The following TANC1 variants were observed in gnomAD, a reference collection of about 807,000 sequenced individuals.
The protein encoded by TANC1 is tetratricopeptide repeat, ankyrin repeat and coiled-coil containing 1.
Under a neutral mutation model 149.7 loss-of-function variants are expected in TANC1, and 77 were observed. That is an observed-to-expected ratio of 0.51 (90% CI 0.43 to 0.62). The LOEUF (loss-of-function observed/expected upper bound fraction) is 0.62, where lower values mean the gene tolerates loss of function less well. TANC1 is among the 20% of genes least tolerant of loss of function. TANC1 has a pLI of 0.00. For missense variants in TANC1, 1,985 were observed against 2,321.8 expected (o/e 0.85, Z 2.98); for synonymous variants, 854 against 925.0 (o/e 0.92, Z 1.39).
intron 8 of TANC1, among the ~76,000 whole-genome samples, chr2:159,165,752 G>A (rs569202895): frequency 6.6e-6 from 1 of 152,320 alleles, no homozygotes; most frequent in South Asian, 2.1e-4. Context: ...TTATGATCCA[G>A]GTAAACAAAT....
chr2:159,204,540 T>G (rs2058471545), intron 19 of TANC1, among the ~76,000 whole-genome samples: 1 of 152,174 alleles, frequency 6.6e-6, no homozygotes, highest in Non-Finnish European at 1.5e-5. Flanking sequence ...CTCATGCTGG[T>G]CTCTGGCAGT....
chr2:159,071,073 G>GA (rs1358557460), intron 3 of TANC1, among the ~76,000 whole-genome samples: 1 of 152,156 alleles, frequency 6.6e-6, no homozygotes, highest in Non-Finnish European at 1.5e-5. Context: ...GCTCTCTAGA[G>GA]AAGGCTGGTC....
intron 3 of TANC1, among the ~76,000 whole-genome samples, chr2:159,091,655 T>G (rs918014772): frequency 7.9e-5 from 12 of 152,236 alleles, no homozygotes; most frequent in Non-Finnish European, 5.9e-5. Context: ...GATCTCTGTT[T>G]AGATCCCACT....
intron 5 of TANC1, among the ~76,000 whole-genome samples, chr2:159,140,699 T>TC (rs2051265917): frequency 6.7e-6 from 1 of 149,120 alleles, no homozygotes; most frequent in South Asian, 2.2e-4. Flanking sequence ...TTTTTTTTTT[T>TC]TTTTTTTTGA....
intron 2 of TANC1, among the ~76,000 whole-genome samples, chr2:159,050,071 C>G (rs2041355986): frequency 6.6e-6 from 1 of 152,134 alleles, no homozygotes; most frequent in Admixed American, 6.5e-5. Context: ...ATTTGTTTCT[C>G]TTTCAGAAGA....
intron 7 of TANC1, among the ~76,000 whole-genome samples, chr2:159,152,873 G>A (rs1429640621): frequency 2.6e-5 from 4 of 152,184 alleles, no homozygotes; most frequent in Admixed American, 1.3e-4. Flanking sequence ...GGTATTCTAA[G>A]CAGAGGAAAG....
chr2:158,995,145 GT>G (rs1438567543), intron 1 of TANC1, among the ~76,000 whole-genome samples: 3 of 152,316 alleles, frequency 2.0e-5, no homozygotes, highest in Non-Finnish European at 4.4e-5. Context: ...TCCCCCACCT[GT>G]TACAGTGAGC....
chr2:159,012,617 G>T (rs1574111310), intron 2 of TANC1, among the ~76,000 whole-genome samples: 2 of 152,032 alleles, frequency 1.3e-5, no homozygotes, highest in East Asian at 3.8e-4. Context: ...AATTTCTGTG[G>T]GCAACTGACT....
intron 3 of TANC1, among the ~76,000 whole-genome samples, chr2:159,067,736 G>A (rs1033984120): frequency 2.0e-5 from 3 of 152,078 alleles, no homozygotes; most frequent in African/African-American, 2.4e-5. Context: ...TTTTTCTCAG[G>A]ACCAGGGTCC....
At chr2:159,210,325 G>T (rs1575278513) in intron 19 of TANC1, among the ~76,000 whole-genome samples, 2 of 152,170 alleles carry the variant, frequency 1.3e-5, no homozygotes, top group Non-Finnish European at 2.9e-5. Context: ...GCGATCCTGA[G>T]CCTGGGGAGC....
chr2:158,989,733 G>C (rs577024165), intron 1 of TANC1, among the ~76,000 whole-genome samples: 30 of 151,974 alleles, frequency 2.0e-4, no homozygotes, highest in African/African-American at 7.2e-4. Flanking sequence ...TAATTATGAA[G>C]ATGTCAAGTC....
chr2:158,994,841 A>G (rs1441473362), intron 1 of TANC1, among the ~76,000 whole-genome samples: 1 of 152,226 alleles, frequency 6.6e-6, no homozygotes, highest in Non-Finnish European at 1.5e-5. Flanking sequence ...TGTATGAATT[A>G]TCTCACAAAA....
chr2:159,151,131 G>A lies in TANC1; in HGVS notation c.682+575G>A, dbSNP rs181027027. Among the ~76,000 whole-genome samples, 719 of 152,252 alleles carry A rather than the reference G, an allele frequency of 4.7e-3. 5 individuals are homozygous for A. The highest frequency in any genetic ancestry group is 0.016 in the African/African-American group (663 of 41,530). On this transcript the variant is annotated intron_variant, in intron 7 of 26. Transcript: ENST00000263635. ...GGGTTCCAGTCCGGACTCTTACGCC[G>A]ATTTGCCCGGTGACTTGAGCAACAT...
chr2:159,094,032 C>G (rs2045828509), intron 3 of TANC1, among the ~76,000 whole-genome samples: 1 of 152,158 alleles, frequency 6.6e-6, no homozygotes, highest in South Asian at 2.1e-4. Flanking sequence ...TTTCTCAATG[C>G]TGTTTATTTC....
chr2:159,035,516 A>G (rs550925404), intron 2 of TANC1, among the ~76,000 whole-genome samples: 1 of 152,348 alleles, frequency 6.6e-6, no homozygotes, highest in Admixed American at 6.5e-5. Context: ...AACAACAACA[A>G]AAATCTCAAG....
chr2:159,004,092 T>C, intron 2 of TANC1: 2 of 1,612,038 alleles, frequency 1.2e-6, no homozygotes, highest in Non-Finnish European at 1.7e-6. Context: ...TGCTAATACC[T>C]TTGCAATTAC....
At chr2:159,034,919 G>A (rs1449669929) in intron 2 of TANC1, among the ~76,000 whole-genome samples, 5 of 152,198 alleles carry the variant, frequency 3.3e-5, no homozygotes, top group Non-Finnish European at 7.3e-5. Context: ...GCCTCTCTGG[G>A]CCTCACATTG....
chr2:159,004,196 T>C, intron 2 of TANC1: 2 of 1,612,610 alleles, frequency 1.2e-6, no homozygotes, highest in African/African-American at 1.3e-5. Context: ...GGAAGTTAGC[T>C]GAACAGTTCC....
At chr2:159,173,796 GT>G (rs1296719862) in intron 11 of TANC1, among the ~76,000 whole-genome samples, 1 of 152,174 alleles carries the variant, frequency 6.6e-6, no homozygotes, top group Non-Finnish European at 1.5e-5. Flanking sequence ...GCTTTCCTCT[GT>G]TGATGATAAA....
Sources: gnomAD v4.1 joint callset for allele counts (sites outside exome capture counted in the v4.1 genomes callset) on GRCh38, gnomAD v4.1.1 for gene constraint, MANE v1.5 for transcripts, NCBI Gene and HGNC (gene_info 2026-07-23, HGNC 2026-07-21) for gene names.